The following ASB5 variants were observed in gnomAD, a reference collection of about 807,000 sequenced individuals.
The protein encoded by ASB5 is ankyrin repeat and SOCS box containing 5, also known as ankyrin repeat and SOCS box protein 5.
ASB5 carries 45 observed loss-of-function variants against 42.1 expected under a neutral mutation model. That is an observed-to-expected ratio of 1.07 (90% CI 0.84 to 1.37). ASB5 has a LOEUF of 1.37. ASB5 is among the 40% of genes most tolerant of loss of function. The probability of loss-of-function intolerance (pLI) is 0.00; values close to 1 mark genes in which losing one functional copy is unlikely to be tolerated. For missense variants in ASB5, 402 were observed against 399.8 expected (o/e 1.01, Z -0.05); for synonymous variants, 147 against 150.6 (o/e 0.98, Z 0.18).
chr4:176,217,023 G>T lies in ASB5; in HGVS notation c.671-14C>A. The T allele has an allele frequency of 2.6e-6, 4 of 1,559,152 alleles. No homozygotes were observed. The highest frequency in any genetic ancestry group is 2.4e-5 in the South Asian group (2 of 83,128). Reference sequence around the variant, plus strand: ...GTACGTCAGCACCTACATGTAATACGGAGTGAAGATAAATATAAATAAAAG... The same window carrying T: ...GTACGTCAGCACCTACATGTAATACTGAGTGAAGATAAATATAAATAAAAG... On this transcript the variant is annotated splice_polypyrimidine_tract_variant and intron_variant, in intron 5 of 6. Transcript: ENST00000296525.
intron 1 of ASB5, among the ~76,000 whole-genome samples, chr4:176,264,670 G>A (rs1179812807): frequency 2.0e-5 from 3 of 152,106 alleles, no homozygotes; most frequent in East Asian, 3.9e-4. Context: ...CACTTTCAAG[G>A]GGTGGCCTTG....
At chr4:176,221,070 T>C in intron 5 of ASB5, 85 bp downstream of exon 5, 1 of 1,403,678 alleles carries the variant, frequency 7.1e-7, no homozygotes, top group Non-Finnish European at 9.4e-7. Flanking sequence ...AGCAATGAGA[T>C]CTAATTTTTA....
At chr4:176,239,400 T>A (rs1253447746) in intron 1 of ASB5, among the ~76,000 whole-genome samples, 2 of 152,240 alleles carry the variant, frequency 1.3e-5, no homozygotes, top group Admixed American at 1.3e-4. Flanking sequence ...TGCATAATAA[T>A]GCATAATAAT....
At chr4:176,220,429 C>A (rs1443123049) in intron 5 of ASB5, among the ~76,000 whole-genome samples, 3 of 151,994 alleles carry the variant, frequency 2.0e-5, no homozygotes, top group African/African-American at 7.3e-5. Flanking sequence ...TCCATTTACT[C>A]ATTTTATTTA....
At chr4:176,224,522 A>G (rs1175260157) in intron 2 of ASB5, among the ~76,000 whole-genome samples, 1 of 125,618 alleles carries the variant, frequency 8.0e-6, no homozygotes, top group Non-Finnish European at 1.7e-5. Flanking sequence ...GGCGTGAGCC[A>G]CTGTGCCCAG....
intron 1 of ASB5, among the ~76,000 whole-genome samples, chr4:176,242,657 G>T (rs1375163427): frequency 3.3e-5 from 5 of 152,122 alleles, no homozygotes; most frequent in Non-Finnish European, 7.4e-5. Flanking sequence ...TTGGACAGAG[G>T]TTGTCTGTCC....
intron 1 of ASB5, among the ~76,000 whole-genome samples, chr4:176,265,910 A>C (rs1264975756): frequency 2.0e-5 from 3 of 152,232 alleles, no homozygotes; most frequent in Non-Finnish European, 4.4e-5. Context: ...AGCAAAGAAT[A>C]GGCCCCTGCA....
At chr4:176,252,148 G>T (rs1205528405) in intron 1 of ASB5, among the ~76,000 whole-genome samples, 2 of 151,664 alleles carry the variant, frequency 1.3e-5, no homozygotes, top group African/African-American at 4.8e-5. Flanking sequence ...GTGCAGGGGT[G>T]CTGTTCTAAT....
chr4:176,235,481 T>A (rs969196580), intron 1 of ASB5, among the ~76,000 whole-genome samples: 1 of 152,198 alleles, frequency 6.6e-6, no homozygotes, highest in Non-Finnish European at 1.5e-5. Context: ...TGGTCATTGT[T>A]CTATGTGAAA....
At chr4:176,274,928 T>G (rs1473529069) in intron 2 of ASB5, among the ~76,000 whole-genome samples, 2 of 148,298 alleles carry the variant, frequency 1.3e-5, no homozygotes, top group Non-Finnish European at 3.0e-5. Context: ...TTTTTTTTTT[T>G]TTTTGAGATG....
At chr4:176,268,803 A>G (rs994709846) in intron 1 of ASB5, 110 bp downstream of exon 1, 17 of 974,872 alleles carry the variant, frequency 1.7e-5, no homozygotes, top group Non-Finnish European at 2.3e-5. Flanking sequence ...TCCCTTAACA[A>G]AAGTTTATAA....
At chr4:176,274,454 A>G (rs1754530343) in intron 2 of ASB5, among the ~76,000 whole-genome samples, 1 of 152,238 alleles carries the variant, frequency 6.6e-6, no homozygotes, top group Non-Finnish European at 1.5e-5. Context: ...CAACAGATGA[A>G]GAAACAGAGA....
At chr4:176,237,614 G>A (rs1416343708) in intron 1 of ASB5, 1 of 973,682 alleles carries the variant, frequency 1.0e-6, no homozygotes, top group South Asian at 4.8e-5. Context: ...GCTGGTAGGT[G>A]CAATGTGGAG....
intron 6 of ASB5, 54 bp from the exon 7 acceptor site, chr4:176,215,781 G>T: frequency 6.5e-7 from 1 of 1,531,492 alleles, no homozygotes; most frequent in Non-Finnish European, 8.9e-7. Context: ...AATTTTTTAT[G>T]TTGTAAGGTA....
intron 1 of ASB5, chr4:176,241,463 T>C: frequency 3.3e-6 from 5 of 1,534,618 alleles, no homozygotes; most frequent in Middle Eastern, 1.7e-4. Context: ...TTCTTTTACC[T>C]GTTACTGCCA....
At chr4:176,235,582 A>G (rs1753664383) in intron 1 of ASB5, among the ~76,000 whole-genome samples, 1 of 152,156 alleles carries the variant, frequency 6.6e-6, no homozygotes. Flanking sequence ...TTATTTAATT[A>G]TCTATCAAAT....
chr4:176,247,932 A>G (rs770324821), intron 1 of ASB5, among the ~76,000 whole-genome samples: 12 of 152,214 alleles, frequency 7.9e-5, no homozygotes, highest in Non-Finnish European at 1.3e-4. Flanking sequence ...GATACAAAAT[A>G]ACTTCTAAAA....
At chr4:176,218,909 AATAT>A (rs573223170) in intron 5 of ASB5, among the ~76,000 whole-genome samples, 1 of 47,906 alleles carries the variant, frequency 2.1e-5, no homozygotes, top group Non-Finnish European at 3.6e-5. Flanking sequence ...ATGATATATA[AATAT>A]ATATATTTGT....
At chr4:176,265,439 G>A (rs1326070574) in intron 1 of ASB5, among the ~76,000 whole-genome samples, 2 of 152,174 alleles carry the variant, frequency 1.3e-5, no homozygotes, top group South Asian at 2.1e-4. Flanking sequence ...CAATTAGAAT[G>A]TAAACTTAAG....
Sources: allele counts gnomAD v4.1 joint callset (sites outside exome capture counted in the v4.1 genomes callset), GRCh38; gene constraint gnomAD v4.1.1; transcripts MANE v1.5; gene names NCBI Gene and HGNC (gene_info 2026-07-23, HGNC 2026-07-21).